The following CLMN variants were observed in gnomAD, a reference collection of about 807,000 sequenced individuals.
The protein encoded by CLMN is calmin.
CLMN carries 57 observed loss-of-function variants against 92.7 expected under a neutral mutation model. That is an observed-to-expected ratio of 0.61 (90% CI 0.50 to 0.77). The LOEUF (loss-of-function observed/expected upper bound fraction) is 0.77, where lower values mean the gene tolerates loss of function less well. Ranked by LOEUF, CLMN falls within the 30% of genes least tolerant of loss-of-function variation. The probability of loss-of-function intolerance (pLI) is 0.00; values close to 1 mark genes in which losing one functional copy is unlikely to be tolerated. For synonymous variants in CLMN, 466 were observed against 470.6 expected, an observed-to-expected ratio of 0.99 and a Z score of 0.13; for missense variants, 1,158 against 1,237.5, an observed-to-expected ratio of 0.94 and a Z score of 0.96.
intron 1 of CLMN, among the ~76,000 whole-genome samples, chr14:95,268,559 A>G (rs1899572352): frequency 6.6e-6 from 1 of 152,112 alleles, no homozygotes; most frequent in African/African-American, 2.4e-5. Context: ...TTTTGATGGA[A>G]CTTTCTTCAT....
chr14:95,258,110 C>T (rs1309038631), intron 1 of CLMN, among the ~76,000 whole-genome samples: 3 of 150,396 alleles, frequency 2.0e-5, no homozygotes, highest in African/African-American at 7.4e-5. Context: ...GTATTCAGCA[C>T]ATGTGCAGTG....
intron 3 of CLMN, among the ~76,000 whole-genome samples, chr14:95,222,788 A>G (rs1897590911): frequency 6.6e-6 from 1 of 152,180 alleles, no homozygotes; most frequent in Admixed American, 6.5e-5. Context: ...GTGTTTTGCC[A>G]TTGGGAAAGC....
chr14:95,194,503 C>T lies in CLMN; in HGVS notation c.2769+33G>A, dbSNP rs773861871. ...ATGGAAAGGAATTGATTAGCAGGGG[C>T]CGTGCGGAAAGAGAAGAAATTCACA... is the stretch of plus-strand genomic sequence containing the variant. On this transcript the variant is annotated intron_variant, in intron 11 of 12. Coordinates refer to ENST00000298912, the MANE Select transcript of CLMN (RefSeq NM_024734.4). The surrounding 1 kb of genome is among the most constrained non-coding windows in gnomAD (Gnocchi z 4.0). 6 of 1,613,718 alleles carry T rather than the reference C, an allele frequency of 3.7e-6. No individual in the cohort carries two copies. The African/African-American group carries it at 4.0e-5, about 11-fold the overall frequency.
intron 1 of CLMN, among the ~76,000 whole-genome samples, chr14:95,317,845 A>G (rs541274928): frequency 6.6e-6 from 1 of 152,332 alleles, no homozygotes; most frequent in African/African-American, 2.4e-5. Context: ...TGCACATTTA[A>G]ACATATACAT....
intron 9 of CLMN, among the ~76,000 whole-genome samples, chr14:95,200,728 T>C (rs1223577717): frequency 6.6e-6 from 1 of 152,214 alleles, no homozygotes; most frequent in Non-Finnish European, 1.5e-5. Flanking sequence ...TGTGACCAGC[T>C]GCTCAAGCTC....
At chr14:95,240,441 C>G (rs1371621412) in intron 1 of CLMN, among the ~76,000 whole-genome samples, 1 of 152,102 alleles carries the variant, frequency 6.6e-6, no homozygotes, top group East Asian at 1.9e-4. Flanking sequence ...CCCTCCATGC[C>G]TCGTGACCAC....
chr14:95,270,883 A>G (rs4905288), intron 1 of CLMN, among the ~76,000 whole-genome samples: 11,505 of 152,222 alleles, frequency 0.076, 1,169 homozygotes, highest in East Asian at 0.43. Context: ...ACATTTTGAG[A>G]AACGGACAGA....
At chr14:95,221,483 G>T (rs1210364759) in intron 4 of CLMN, among the ~76,000 whole-genome samples, 1 of 152,216 alleles carries the variant, frequency 6.6e-6, no homozygotes, top group Non-Finnish European at 1.5e-5. Context: ...CCTGATGGCT[G>T]CAAAGTGGGT....
chr14:95,251,562 T>C (rs2140679525), intron 1 of CLMN, among the ~76,000 whole-genome samples: 1 of 152,356 alleles, frequency 6.6e-6, no homozygotes, highest in Middle Eastern at 3.4e-3. Flanking sequence ...GTTCTGTGCA[T>C]GGCTCTGGGC....
chr14:95,309,637 TC>T (rs918962333), intron 1 of CLMN, among the ~76,000 whole-genome samples: 2 of 152,176 alleles, frequency 1.3e-5, no homozygotes, highest in African/African-American at 2.4e-5. Context: ...TCAGGAAGCC[TC>T]CCCGAGTTCT....
chr14:95,222,709 C>A (rs955065871), intron 3 of CLMN: 6 of 422,138 alleles, frequency 1.4e-5, no homozygotes, highest in South Asian at 1.0e-4. Flanking sequence ...CTCTAAGAAA[C>A]CAAATACTGT....
At chr14:95,269,663 G>T (rs1899628460) in intron 1 of CLMN, among the ~76,000 whole-genome samples, 1 of 152,206 alleles carries the variant, frequency 6.6e-6, no homozygotes, top group Non-Finnish European at 1.5e-5. Context: ...CTTCCTGGAT[G>T]CCCAAGCCCC....
chr14:95,307,265 T>G (rs1483203986), intron 1 of CLMN, among the ~76,000 whole-genome samples: 1 of 152,204 alleles, frequency 6.6e-6, no homozygotes, highest in South Asian at 2.1e-4. Context: ...TCCACATTCA[T>G]GCATTCAACA....
intron 1 of CLMN, among the ~76,000 whole-genome samples, chr14:95,261,790 A>C (rs1165261275): frequency 6.6e-6 from 1 of 152,222 alleles, no homozygotes. Flanking sequence ...GTTATGCCCC[A>C]GATGACATGG....
intron 8 of CLMN, among the ~76,000 whole-genome samples, chr14:95,207,998 T>C (rs1897092604): frequency 6.6e-6 from 1 of 152,154 alleles, no homozygotes; most frequent in Admixed American, 6.5e-5. Context: ...AGATCCTTAT[T>C]TTCGTTTATA....
chr14:95,204,118 T>C lies in CLMN; in HGVS notation c.1231A>G (p.Arg411Gly), dbSNP rs562193321. 4.5e-5 allele frequency: 73 copies of C among 1,614,212 alleles called. No individual in the cohort carries two copies. In the South Asian group the frequency reaches 7.5e-4, roughly 17 times the overall value. Reference protein sequence around the residue: ...PSPESSILSSRKENGRSNSLP... With the variant: ...PSPESSILSSGKENGRSNSLP... ...GAGTTGGACCTCCCGTTCTCCTTTC[T>C]GGATGATAAAATGGAGGATTCTGGA... is the stretch of plus-strand genomic sequence containing the variant. Residue 411 changes from arginine (R) to glycine (G), a missense_variant, in exon 9 of 13, where the codon AGA becomes GGA. Physicochemically the swap from Arg to Gly is moderately radical, Grantham distance 125. Coordinates refer to ENST00000298912, the MANE Select transcript of CLMN (RefSeq NM_024734.4).
rs1595128153 is a variant in CLMN, at chr14:95,315,735, G to C, written c.82+3976C>G. 1.3e-5 allele frequency among the ~76,000 whole-genome samples: 2 copies of C among 152,278 alleles called. 1 individual carries two copies. ...ACAGCATCAAACGCCAAAAGCACCA[G>C]AATGACAGGGGATGGCCCAAAGCAG... On this transcript the variant is annotated intron_variant, in intron 1 of 12. Transcript: ENST00000298912.
rs1415294649 is a variant in CLMN, at chr14:95,209,404, C to G, written c.876G>C (p.Glu292Asp). The part of the protein sequence containing the change: ...YVAQFLERFP[E>D]LEAEDIFDSD... ...AGAAAAGCAAACATACGGCTTCCAACTCCGGAAAACGTTCTAGAAACTGTG... is the reference window on the plus strand; with the variant it reads ...AGAAAAGCAAACATACGGCTTCCAAGTCCGGAAAACGTTCTAGAAACTGTG... Residue 292 changes from glutamate to aspartate, a missense_variant, in exon 8 of 13, where the codon GAG becomes GAC. Transcript: ENST00000298912. 7 of 1,613,916 alleles carry G rather than the reference C, an allele frequency of 4.3e-6. No individual in the cohort carries two copies. Among genetic ancestry groups the G allele is most frequent in the African/African-American group, 1.3e-5 (1 of 74,906 alleles).
chr14:95,299,476 C>A (rs535586388), intron 1 of CLMN, among the ~76,000 whole-genome samples: 1 of 152,128 alleles, frequency 6.6e-6, no homozygotes, highest in Non-Finnish European at 1.5e-5. Context: ...CTATGCTGCA[C>A]CAGGTGCAGC....
Sources: gnomAD v4.1 joint callset for allele counts (sites outside exome capture counted in the v4.1 genomes callset) on GRCh38, gnomAD v4.1.1 for gene constraint, Gnocchi (gnomAD v3.1) non-coding constraint, MANE v1.5 for transcripts, NCBI Gene and HGNC (gene_info 2026-07-23, HGNC 2026-07-21) for gene names.